CDH8: variants seen among roughly 807,000 people sequenced by gnomAD.
CDH8 encodes cadherin-8.
Under a neutral mutation model 68.1 loss-of-function variants are expected in CDH8, and 17 were observed. The observed-to-expected ratio is 0.25, with a 90% confidence interval of 0.17 to 0.37. The LOEUF (loss-of-function observed/expected upper bound fraction) is 0.37. Ranked by LOEUF, CDH8 falls within the 10% of genes least tolerant of loss-of-function variation. The pLI is 1.00. For synonymous variants in CDH8, 372 were observed against 365.1 expected, an observed-to-expected ratio of 1.02 and a Z score of -0.21; for missense variants, 763 against 999.3, an observed-to-expected ratio of 0.76 and a Z score of 3.19.
chr16:61,876,838 C>T (rs75209152), intron 3 of CDH8, among the ~76,000 whole-genome samples: 1 of 151,868 alleles, frequency 6.6e-6, no homozygotes, highest in African/African-American at 2.4e-5. Flanking sequence ...ATGGAAAGCA[C>T]ATTTGGTATA....
intron 3 of CDH8, among the ~76,000 whole-genome samples, chr16:61,882,833 A>G (rs1193159134): frequency 2.0e-5 from 3 of 152,214 alleles, no homozygotes; most frequent in Admixed American, 2.0e-4. Context: ...CCACACATTT[A>G]CCTATGTAAC....
At chr16:61,839,194 T>G (rs1278234179) in intron 4 of CDH8, among the ~76,000 whole-genome samples, 1 of 152,116 alleles carries the variant, frequency 6.6e-6, no homozygotes, top group Non-Finnish European at 1.5e-5. Flanking sequence ...TACTGATGAT[T>G]ATCAAGATCT....
chr16:61,941,199 GAC>G (rs1416151120), intron 2 of CDH8, among the ~76,000 whole-genome samples: 3 of 152,178 alleles, frequency 2.0e-5, no homozygotes, highest in Non-Finnish European at 2.9e-5. Flanking sequence ...AGACTTAAAA[GAC>G]AGTTTCAGTT....
Position 61,649,372 on chromosome 16 carries a change from A to C in CDH8, c.*4236T>G, listed in dbSNP as rs1352581991. 6.6e-6 allele frequency: 1 copy of C among 151,730 alleles called. No homozygotes were observed. The highest frequency in any genetic ancestry group is 1.5e-5 in the Non-Finnish European group (1 of 67,908). The allele number at this position is 151,730 out of a possible 1,614,324, so 9.4% of individuals were successfully genotyped here. On this transcript the variant is annotated 3_prime_UTR_variant, in exon 12 of 12. Transcript: ENST00000577390. ...TGAGATTATGAGATGAAAAATTAAA[A>C]CTATAAATTATCCCCAGTAACTGAA...
chr16:61,894,829 G>A (rs1338901702), intron 3 of CDH8, among the ~76,000 whole-genome samples: 1 of 152,012 alleles, frequency 6.6e-6, no homozygotes. Context: ...AACCACTTTG[G>A]AAAAGACTGA....
intron 10 of CDH8, among the ~76,000 whole-genome samples, chr16:61,657,618 G>A (rs1275563632): frequency 6.6e-6 from 1 of 152,064 alleles, no homozygotes; most frequent in Non-Finnish European, 1.5e-5. Flanking sequence ...TTTTCAGAAA[G>A]TATGTGACAA....
chr16:61,899,259 G>A (rs904153256), intron 3 of CDH8, among the ~76,000 whole-genome samples: 18 of 152,162 alleles, frequency 1.2e-4, no homozygotes, highest in Admixed American at 1.2e-3. Flanking sequence ...TTAGTTCACT[G>A]AGAATGATGG....
intron 10 of CDH8, among the ~76,000 whole-genome samples, chr16:61,672,391 C>A (rs1046912834): frequency 6.6e-6 from 1 of 151,964 alleles, no homozygotes; most frequent in Non-Finnish European, 1.5e-5. Context: ...TATTTGCATA[C>A]CAATCTTATT....
chr16:61,927,858 A>G (rs1964479532), intron 2 of CDH8, among the ~76,000 whole-genome samples: 1 of 152,232 alleles, frequency 6.6e-6, no homozygotes, highest in African/African-American at 2.4e-5. Flanking sequence ...TTTAACAAGA[A>G]GAGTAGGCTA....
chr16:61,847,550 A>G (rs948278046), intron 4 of CDH8, among the ~76,000 whole-genome samples: 2 of 134,460 alleles, frequency 1.5e-5, no homozygotes, highest in African/African-American at 6.4e-5. Flanking sequence ...ATATATATAT[A>G]TATATATATA....
intron 10 of CDH8, among the ~76,000 whole-genome samples, chr16:61,711,934 T>C (rs938578942): frequency 9.2e-5 from 14 of 151,712 alleles, no homozygotes; most frequent in Non-Finnish European, 1.5e-4. Flanking sequence ...GCAATCATGA[T>C]GTATGGAGTA....
At chr16:61,692,371 TAA>T (rs1355095327) in intron 10 of CDH8, 2 of 152,172 alleles carry the variant, frequency 1.3e-5, no homozygotes, top group Non-Finnish European at 2.9e-5. Context: ...TCTAGCTGTA[TAA>T]AAATGTCTAT....
chr16:61,655,584 C>G lies in CDH8; in HGVS notation c.1792G>C (p.Gly598Arg), dbSNP rs777937491. ...STSTLTIRVC[G>R]CSNDGVVQSC... is the part of the protein sequence containing the mutation. ...TGGACGACACCGTCATTGCTGCAGC[C>G]ACAGACCCTGATTGTCAAGGTGCTA... is the stretch of plus-strand genomic sequence containing the variant. Residue 598 changes from glycine to arginine, a missense_variant, in exon 11 of 12, where the codon GGC (glycine) becomes CGC (arginine). Around this residue, in one of 2 missense-constraint regions of CDH8, gnomAD observed 397 missense variants for 436.2 expected, o/e 0.91. Coordinates refer to ENST00000577390, the MANE Select transcript of CDH8 (RefSeq NM_001796.5). 12 of 1,614,056 alleles carry G rather than the reference C, an allele frequency of 7.4e-6. No individual in the cohort carries two copies. The highest frequency in any genetic ancestry group is 2.7e-5 in the African/African-American group (2 of 74,922).
chr16:61,712,228 C>A (rs1250371949), intron 10 of CDH8, among the ~76,000 whole-genome samples: 1 of 151,592 alleles, frequency 6.6e-6, no homozygotes, highest in Non-Finnish European at 1.5e-5. Context: ...AATTAAATCT[C>A]CTGTTTAAAA....
At chr16:61,822,620 G>A (rs1596997581) in intron 5 of CDH8, among the ~76,000 whole-genome samples, 2 of 151,710 alleles carry the variant, frequency 1.3e-5, no homozygotes, top group Non-Finnish European at 2.9e-5. Flanking sequence ...GAAGTTATAG[G>A]ACTGGGGATT....
At chr16:61,662,110 A>ATTTG (rs1418036325) in intron 10 of CDH8, among the ~76,000 whole-genome samples, 15 of 76,858 alleles carry the variant, frequency 2.0e-4, no homozygotes, top group African/African-American at 8.5e-4. Flanking sequence ...TTTTTGGTTA[A>ATTTG]TTTGTTTGTT....
intron 10 of CDH8, among the ~76,000 whole-genome samples, chr16:61,698,467 C>T (rs147184641): frequency 5.8e-4 from 88 of 152,270 alleles, no homozygotes; most frequent in African/African-American, 1.9e-3. Context: ...TGTGGGATCA[C>T]GGATAATATA....
chr16:61,917,440 T>C (rs959452824), intron 2 of CDH8, among the ~76,000 whole-genome samples: 2 of 152,122 alleles, frequency 1.3e-5, no homozygotes, highest in African/African-American at 4.8e-5. Flanking sequence ...CATTTGAGCC[T>C]AGTGTGTCCT....
intron 2 of CDH8, among the ~76,000 whole-genome samples, chr16:61,961,036 C>A (rs1348895589): frequency 6.6e-6 from 1 of 152,158 alleles, no homozygotes; most frequent in Non-Finnish European, 1.5e-5. Flanking sequence ...GGAATTGGGG[C>A]TGGGCACGGT....
Sources: allele counts gnomAD v4.1 joint callset (sites outside exome capture counted in the v4.1 genomes callset), GRCh38; gene constraint gnomAD v4.1.1; regional missense constraint gnomAD v4.1.1; transcripts MANE v1.5; gene names NCBI Gene and HGNC (gene_info 2026-07-23, HGNC 2026-07-21).